PDLIM5: variants seen among roughly 807,000 people sequenced by gnomAD.
The protein encoded by PDLIM5 is PDZ and LIM domain 5, also known as PDZ and LIM domain protein 5.
In PDLIM5, 34 loss-of-function variants were observed where a neutral mutation model predicts 64.2. The observed-to-expected ratio is 0.53, with a 90% CI of 0.40 to 0.71. The LOEUF is 0.71. Ranked by LOEUF, PDLIM5 falls within the 30% of genes least tolerant of loss-of-function variation. The pLI is 0.00. For synonymous variants in PDLIM5, 253 were observed against 269.1 expected, an observed-to-expected ratio of 0.94 and a Z score of 0.59; for missense variants, 683 against 733.6, an observed-to-expected ratio of 0.93 and a Z score of 0.80.
intron 2 of PDLIM5, among the ~76,000 whole-genome samples, chr4:94,483,160 A>G (rs1726019632): frequency 6.6e-6 from 1 of 152,116 alleles, no homozygotes; most frequent in Non-Finnish European, 1.5e-5. Context: ...GGATGTGTTT[A>G]AAAATGGCTT....
At chr4:94,619,789 A>T (rs1014594912) in intron 8 of PDLIM5, among the ~76,000 whole-genome samples, 1 of 151,950 alleles carries the variant, frequency 6.6e-6, no homozygotes, top group Non-Finnish European at 1.5e-5. Flanking sequence ...AATTATTATT[A>T]TTATTTTTTT....
At chr4:94,527,777 C>T (rs894033228) in intron 3 of PDLIM5, among the ~76,000 whole-genome samples, 1 of 152,178 alleles carries the variant, frequency 6.6e-6, no homozygotes, top group African/African-American at 2.4e-5. Flanking sequence ...TTTTGTACCC[C>T]CTTCCTTGTA....
chr4:94,552,179 A>G (rs568755136), intron 3 of PDLIM5, among the ~76,000 whole-genome samples: 42 of 152,246 alleles, frequency 2.8e-4, no homozygotes, highest in African/African-American at 1.0e-3. Context: ...GCTATTTTTT[A>G]TGTATCATCA....
At chr4:94,656,463 G>C (rs532111241) in intron 10 of PDLIM5, among the ~76,000 whole-genome samples, 239 of 151,776 alleles carry the variant, frequency 1.6e-3, no homozygotes, top group African/African-American at 5.5e-3. Flanking sequence ...TTACACATTC[G>C]AGTCTGTGCT....
rs750159555 is a variant in PDLIM5, at chr4:94,618,000, A to G, written c.921-4A>G. The G allele has an allele frequency of 6.6e-7, 1 of 1,512,640 alleles. No homozygotes were observed. The highest frequency in any genetic ancestry group is 1.3e-5 in the South Asian group (1 of 77,576). The allele number at this position is 1,512,640 out of a possible 1,614,324, so 93.7% of individuals were successfully genotyped here. A position where few individuals can be genotyped will look rare whatever the true frequency, so the allele number is the denominator to read the frequency against. ...CCAAAGATGTTTCTTTATTTCCTTT[A>G]CAGTAACTCTCAGGAGCCTTCTCCG... On this transcript the variant is annotated splice_region_variant and splice_polypyrimidine_tract_variant and intron_variant, in intron 7 of 12. Transcript: ENST00000317968.
chr4:94,533,488 G>A (rs1211890895), intron 3 of PDLIM5, among the ~76,000 whole-genome samples: 1 of 152,046 alleles, frequency 6.6e-6, no homozygotes, highest in Non-Finnish European at 1.5e-5. Context: ...GAATTTTTAA[G>A]GTCCATGAAA....
At chr4:94,553,849 A>G (rs1039845056) in intron 3 of PDLIM5, among the ~76,000 whole-genome samples, 1 of 152,220 alleles carries the variant, frequency 6.6e-6, no homozygotes, top group African/African-American at 2.4e-5. Context: ...TTATATGGCC[A>G]TGTCATTGGA....
intron 2 of PDLIM5, among the ~76,000 whole-genome samples, chr4:94,461,968 A>G (rs1314016354): frequency 1.3e-5 from 2 of 152,194 alleles, no homozygotes; most frequent in Admixed American, 1.3e-4. Context: ...GGGTTCAAGC[A>G]GTTCTCTGCC....
In PDLIM5 at chr4:94,644,902, ATAT is replaced by A. The variant is rs1741289134; in HGVS notation, c.1283+4457_1283+4459del. Among the ~76,000 whole-genome samples, 7 of 139,734 alleles carry A rather than the reference ATAT, an allele frequency of 5.0e-5. No individual in the cohort carries two copies. The Admixed American group carries it at 5.3e-4, about 11-fold the overall frequency. 91.7% of individuals were successfully genotyped at this position (139,734 alleles called of 152,430 possible). On this transcript the variant is annotated intron_variant, in intron 9 of 12. Coordinates refer to ENST00000317968, the MANE Select transcript of PDLIM5 (RefSeq NM_006457.5). The stretch of plus-strand genomic sequence containing the variant: ...TTCCCAAAATAACTCCAGAGGATTG[ATAT>A]TATTCTTTTTTTTTTAATTTTTTAT...
At chr4:94,456,667 A>G (rs1229807909) in intron 2 of PDLIM5, 1 of 1,137,584 alleles carries the variant, frequency 8.8e-7, no homozygotes, top group East Asian at 2.7e-5. Context: ...GCATTTCCAT[A>G]TTACTGTTAC....
chr4:94,589,439 A>G (rs1736500028), intron 7 of PDLIM5, among the ~76,000 whole-genome samples: 1 of 152,242 alleles, frequency 6.6e-6, no homozygotes, highest in Non-Finnish European at 1.5e-5. Context: ...GAGTGTGAGG[A>G]TAAATATTCA....
chr4:94,565,177 A>G (rs1734208113), intron 3 of PDLIM5, among the ~76,000 whole-genome samples: 2 of 152,350 alleles, frequency 1.3e-5, no homozygotes, highest in African/African-American at 2.4e-5. Context: ...CTGGTAATGC[A>G]GAAGGCCATA....
chr4:94,563,424 A>G (rs1734011321), intron 3 of PDLIM5, among the ~76,000 whole-genome samples: 1 of 152,170 alleles, frequency 6.6e-6, no homozygotes. Flanking sequence ...ATCTAAACTC[A>G]CCCAAAGTTA....
intron 2 of PDLIM5, among the ~76,000 whole-genome samples, chr4:94,491,812 T>C (rs1028852912): frequency 6.6e-6 from 1 of 152,132 alleles, no homozygotes. Context: ...TGGAGTACAA[T>C]GTGATGTTTT....
intron 5 of PDLIM5, chr4:94,577,265 A>T (rs1459305923): frequency 2.2e-6 from 1 of 456,934 alleles, no homozygotes; most frequent in East Asian, 6.9e-5. Flanking sequence ...ATTCTCTGAG[A>T]TAATCCCTTC....
intron 5 of PDLIM5, among the ~76,000 whole-genome samples, chr4:94,576,503 G>A (rs2452601): frequency 0.62 from 94,747 of 152,082 alleles, 30,914 homozygotes; most frequent in African/African-American, 0.83. Flanking sequence ...AAACCAGTCC[G>A]CTTTTGACTC....
At chr4:94,627,065 T>A (rs1168342517) in intron 8 of PDLIM5, among the ~76,000 whole-genome samples, 2 of 152,202 alleles carry the variant, frequency 1.3e-5, no homozygotes, top group Non-Finnish European at 2.9e-5. Context: ...TTTATATGAA[T>A]AAGTAAACTG....
chr4:94,494,432 G>GGTTTTTTTTTTTTTTCTTTTTTTTTTTTT (rs1553940971), intron 2 of PDLIM5, among the ~76,000 whole-genome samples: 1 of 70,770 alleles, frequency 1.4e-5, no homozygotes. Flanking sequence ...TTTTTTTCTT[G>GGTTTTTTTTTTTTTTCTTTTTTTTTTTTT]TTTTTTTTTT....
At chr4:94,606,309 A>G (rs1281938243) in intron 7 of PDLIM5, among the ~76,000 whole-genome samples, 1 of 152,220 alleles carries the variant, frequency 6.6e-6, no homozygotes, top group Non-Finnish European at 1.5e-5. Flanking sequence ...TGAAAAGTAC[A>G]GACTGCTATG....
Sources: allele counts gnomAD v4.1 joint callset (sites outside exome capture counted in the v4.1 genomes callset), GRCh38; gene constraint gnomAD v4.1.1; transcripts MANE v1.5; gene names NCBI Gene and HGNC (gene_info 2026-07-23, HGNC 2026-07-21).